The following METTL25 variants were observed in gnomAD, a reference collection of about 807,000 sequenced individuals.
METTL25 encodes methyltransferase like 25, also known as probable methyltransferase-like protein 25.
Under a neutral mutation model 71.6 loss-of-function variants are expected in METTL25, and 64 were observed. The observed-to-expected ratio is 0.89, with a 90% CI of 0.73 to 1.10. The LOEUF is 1.10. Ranked by LOEUF, METTL25 falls within the 50% of genes least tolerant of loss-of-function variation. METTL25 has a pLI of 0.00. For synonymous variants in METTL25, 287 were observed against 250.3 expected (o/e 1.15, Z -1.38); for missense variants, 807 against 707.0 (o/e 1.14, Z -1.60).
chr12:82,365,210 G>A (rs1213479363), intron 1 of METTL25, among the ~76,000 whole-genome samples: 1 of 152,094 alleles, frequency 6.6e-6, no homozygotes, highest in Non-Finnish European at 1.5e-5. Flanking sequence ...TATGATCATT[G>A]TGTATGATAA....
intron 2 of METTL25, among the ~76,000 whole-genome samples, chr12:82,387,966 G>A (rs1464355683): frequency 6.6e-6 from 1 of 151,854 alleles, no homozygotes; most frequent in African/African-American, 2.4e-5. Context: ...CTTCATGCAG[G>A]AATTAGTCTA....
chr12:82,400,409 G>A (rs929830220), intron 4 of METTL25, among the ~76,000 whole-genome samples: 3 of 151,710 alleles, frequency 2.0e-5, no homozygotes, highest in African/African-American at 7.3e-5. Context: ...TTAAATCCTT[G>A]TTTGATAGCT....
chr12:82,460,817 G>A (rs1565882330), intron 9 of METTL25, among the ~76,000 whole-genome samples: 1 of 152,144 alleles, frequency 6.6e-6, no homozygotes, highest in Non-Finnish European at 1.5e-5. Context: ...AGTTAATAAT[G>A]TATCAATACT....
intron 5 of METTL25, among the ~76,000 whole-genome samples, chr12:82,407,290 C>T (rs1592669855): frequency 6.6e-6 from 1 of 152,230 alleles, no homozygotes; most frequent in African/African-American, 2.4e-5. Flanking sequence ...GTCTTGTATC[C>T]TGCCTGGGTA....
chr12:82,386,885 C>T lies in METTL25; in HGVS notation c.342C>T (p.Tyr114=). Residue 114 remains tyrosine (Y), a synonymous_variant, in exon 2 of 12, where the codon TAC becomes TAT. Transcript: ENST00000248306. ...SVEAFALAAK[Y]YSVQNLGICT... is the part of the protein sequence containing the mutation. ...AAGCCTTTGCTCTGGCTGCGAAATACTATTCTGTACAAAACTTGGGAATAT... is the reference window on the plus strand; with the variant it reads ...AAGCCTTTGCTCTGGCTGCGAAATATTATTCTGTACAAAACTTGGGAATAT... 2 of 1,613,412 alleles carry T rather than the reference C, an allele frequency of 1.2e-6. No individual in the cohort carries two copies. Among genetic ancestry groups the T allele is most frequent in the Admixed American group, 3.3e-5 (2 of 59,928 alleles).
At chr12:82,453,389 T>C (rs1281107134) in intron 8 of METTL25, among the ~76,000 whole-genome samples, 1 of 152,206 alleles carries the variant, frequency 6.6e-6, no homozygotes, top group African/African-American at 2.4e-5. Flanking sequence ...GTATTGAGTA[T>C]GAATCCTATT....
intron 5 of METTL25, among the ~76,000 whole-genome samples, chr12:82,428,568 C>T (rs564749604): frequency 1.3e-5 from 2 of 151,934 alleles, no homozygotes; most frequent in African/African-American, 4.8e-5. Flanking sequence ...GAAGAAGTAG[C>T]CCAGAGTCCC....
At chr12:82,368,696 T>C (rs751517590) in intron 1 of METTL25, among the ~76,000 whole-genome samples, 4 of 152,188 alleles carry the variant, frequency 2.6e-5, no homozygotes, top group Non-Finnish European at 4.4e-5. Flanking sequence ...AGTTCTCAAA[T>C]CCTAGGGAAA....
chr12:82,403,171 C>T, intron 5 of METTL25, 41 bp downstream of exon 5: 2 of 1,558,688 alleles, frequency 1.3e-6, no homozygotes. Context: ...TTCATTTGAG[C>T]ATAATGAAAT....
At chr12:82,435,227 C>T (rs1889829131) in intron 7 of METTL25, among the ~76,000 whole-genome samples, 2 of 151,326 alleles carry the variant, frequency 1.3e-5, no homozygotes, top group African/African-American at 4.8e-5. Context: ...TATCCTTTAC[C>T]TTGTATTCAG....
intron 1 of METTL25, among the ~76,000 whole-genome samples, chr12:82,382,758 C>A (rs7309442): frequency 2.6e-5 from 4 of 152,044 alleles, no homozygotes; most frequent in Non-Finnish European, 4.4e-5. Context: ...CTCTGTTGCC[C>A]AGGCTGGAGT....
chr12:82,467,765 G>T (rs552833589), intron 9 of METTL25, among the ~76,000 whole-genome samples: 1 of 152,150 alleles, frequency 6.6e-6, no homozygotes, highest in Non-Finnish European at 1.5e-5. Context: ...GCCTTGGATA[G>T]AACCTGTTTG....
At chr12:82,458,244 T>G (rs972759969) in intron 9 of METTL25, among the ~76,000 whole-genome samples, 1 of 152,160 alleles carries the variant, frequency 6.6e-6, no homozygotes, top group Non-Finnish European at 1.5e-5. Context: ...AACATTACCT[T>G]ACTTACTTTG....
intron 8 of METTL25, among the ~76,000 whole-genome samples, chr12:82,442,990 TA>T (rs1890462904): frequency 6.7e-6 from 1 of 149,982 alleles, no homozygotes; most frequent in Non-Finnish European, 1.5e-5. Flanking sequence ...AGAAAATATC[TA>T]CAATGAGGGA....
intron 1 of METTL25, among the ~76,000 whole-genome samples, chr12:82,369,959 T>C (rs1000502221): frequency 2.6e-5 from 4 of 152,168 alleles, no homozygotes; most frequent in African/African-American, 9.7e-5. Context: ...CACAGAGTGC[T>C]GATTGGTGCA....
intron 3 of METTL25, among the ~76,000 whole-genome samples, chr12:82,398,434 T>G (rs1262907478): frequency 6.6e-6 from 1 of 151,968 alleles, no homozygotes; most frequent in East Asian, 1.9e-4. Context: ...CGTTGTTAAT[T>G]CTATTGACTT....
Position 82,360,946 on chromosome 12 carries a change from C to T in METTL25, c.259+2122C>T, listed in dbSNP as rs544034995. ...TCAGGAGTGAAGCTGCAGACCTTTG[C>T]GGTGAGTGTTACAGCTCACAAACGC... On this transcript the variant is annotated intron_variant, in intron 1 of 11. Transcript: ENST00000248306. 1.7e-4 allele frequency among the ~76,000 whole-genome samples: 26 copies of T among 152,284 alleles called. No homozygotes were observed. In the East Asian group the frequency reaches 4.4e-3, roughly 26 times the overall value.
chr12:82,404,772 G>A (rs185556027), intron 5 of METTL25, among the ~76,000 whole-genome samples: 10 of 152,086 alleles, frequency 6.6e-5, no homozygotes, highest in African/African-American at 1.7e-4. Context: ...GTGAAACTCC[G>A]TTTCTACTAA....
chr12:82,438,403 T>G (rs1252325809), intron 7 of METTL25: 1 of 194,372 alleles, frequency 5.1e-6, no homozygotes, highest in African/African-American at 2.3e-5. Flanking sequence ...TTGGTTGGTC[T>G]TGAAAGTATT....
Sources: allele counts gnomAD v4.1 joint callset (sites outside exome capture counted in the v4.1 genomes callset), GRCh38; gene constraint gnomAD v4.1.1; transcripts MANE v1.5; gene names NCBI Gene and HGNC (gene_info 2026-07-23, HGNC 2026-07-21).